The following LRRC53 variants were observed in gnomAD, a reference collection of about 807,000 sequenced individuals.
LRRC53 encodes the protein leucine-rich repeat-containing protein 53.
Under a neutral mutation model 13.6 loss-of-function variants are expected in LRRC53, and 25 were observed. The observed-to-expected ratio is 1.83, with a 90% CI of 1.34 to 2.56. The LOEUF (loss-of-function observed/expected upper bound fraction) is 2.56. LRRC53 is among the 30% of genes most tolerant of loss of function. The pLI, the probability that LRRC53 is intolerant of heterozygous loss-of-function variation, is 0.00. For missense variants in LRRC53, 527 were observed against 275.8 expected, an observed-to-expected ratio of 1.91 and a Z score of -6.45; for synonymous variants, 204 against 109.8, an observed-to-expected ratio of 1.86 and a Z score of -5.37.
In LRRC53 at chr1:74,475,510, A is replaced by G. The variant is rs1482725027; in HGVS notation, c.1205T>C (p.Leu402Pro). ...SATLDGSFRN[L>P]KKKDRGVGST... ...GCCTACCCCACGGTCTTTCTTTTTC[A>G]GGTTTCTAAATGATCCGTCAAGGGT... Residue 402 changes from leucine to proline, a missense_variant, in exon 4 of 5, where the codon CTG becomes CCG. Coordinates refer to ENST00000294635, the MANE Select transcript of LRRC53 (RefSeq NM_001382280.1). 1.4e-6 allele frequency: 1 copy of G among 716,722 alleles called. No individual in the cohort carries two copies. Among genetic ancestry groups the G allele is most frequent in the East Asian group, 2.7e-5 (1 of 37,270 alleles). The allele number at this position is 716,722 out of a possible 1,614,324, so 44.4% of individuals were successfully genotyped here. A position where few individuals can be genotyped will look rare whatever the true frequency, so the allele number is the denominator to read the frequency against.
At chr1:74,480,067 G>C (rs188334457) in intron 3 of LRRC53, 86 bp downstream of exon 3, 1 of 624,312 alleles carries the variant, frequency 1.6e-6, no homozygotes. Context: ...TGGCAACCAA[G>C]TGTCTGAGAT....
intron 3 of LRRC53, among the ~76,000 whole-genome samples, chr1:74,476,188 G>A (rs556542269): frequency 1.3e-5 from 2 of 152,160 alleles, no homozygotes; most frequent in East Asian, 3.9e-4. Context: ...TCTAATCTCA[G>A]ACTGCCTGGT....
rs1459765318 is a variant in LRRC53, at chr1:74,471,101, G to T, written c.2521C>A (p.Pro841Thr). ...HIPDGNTSKLPQPTPTDAEHR... is the reference protein window; with the variant it reads ...HIPDGNTSKLTQPTPTDAEHR... ...TCAGCATCAGTGGGTGTAGGTTGGGGCAATTTTGATGTGTTTCCATCAGGA... is the reference window on the plus strand; with the variant it reads ...TCAGCATCAGTGGGTGTAGGTTGGGTCAATTTTGATGTGTTTCCATCAGGA... The change falls in exon 5 of 5, where the codon CCC becomes ACC. Residue 841 changes from proline (P) to threonine (T), a missense_variant. Pro to Thr is a conservative substitution (Grantham distance 38). Coordinates refer to ENST00000294635, the MANE Select transcript of LRRC53 (RefSeq NM_001382280.1). The T allele has an allele frequency of 2.5e-5, 10 of 400,662 alleles. No individual in the cohort carries two copies. In the East Asian group the frequency reaches 3.6e-4, roughly 14 times the overall value. 24.8% of individuals were successfully genotyped at this position (400,662 alleles called of 1,614,324 possible). A position where few individuals can be genotyped will look rare whatever the true frequency, so the allele number is the denominator to read the frequency against.
intron 1 of LRRC53, among the ~76,000 whole-genome samples, chr1:74,500,527 C>G (rs958507895): frequency 1.4e-5 from 2 of 138,992 alleles, no homozygotes; most frequent in Non-Finnish European, 3.1e-5. Flanking sequence ...TGGCGTGAAC[C>G]CGGGAGGCGG....
At chr1:74,501,950 A>T (rs1669656025) in intron 1 of LRRC53, among the ~76,000 whole-genome samples, 2 of 152,040 alleles carry the variant, frequency 1.3e-5, no homozygotes, top group South Asian at 2.1e-4. Context: ...TATCCTCTGC[A>T]TATCTTTATG....
the LRRC53 span, among the ~76,000 whole-genome samples, chr1:74,518,211 G>GA: frequency 2.0e-5 from 3 of 151,984 alleles, no homozygotes; most frequent in Non-Finnish European, 2.9e-5. Flanking sequence ...ATCAATGGAG[G>GA]AAAAAAGAGT....
intron 1 of LRRC53, chr1:74,492,150 T>C: frequency 6.2e-7 from 1 of 1,613,058 alleles, no homozygotes; most frequent in South Asian, 1.1e-5. Flanking sequence ...CTTCTTCTTC[T>C]TCTGATTGCC....
the LRRC53 span, among the ~76,000 whole-genome samples, chr1:74,518,786 C>A: frequency 6.6e-6 from 1 of 150,504 alleles, no homozygotes; most frequent in Non-Finnish European, 1.5e-5. Flanking sequence ...ACAACATTTA[C>A]AAATATGGAT....
At position 74,480,462 on chromosome 1, in the gene LRRC53, C is replaced by T. The variant is rs1002165497; in HGVS notation, c.595G>A (p.Val199Met). 4.2e-6 allele frequency: 3 copies of T among 717,540 alleles called. No homozygotes were observed. The highest frequency in any genetic ancestry group is 4.0e-5 in the Admixed American group (2 of 50,028). The allele number at this position is 717,540 out of a possible 1,614,324, so 44.4% of individuals were successfully genotyped here. A position where few individuals can be genotyped will look rare whatever the true frequency, so the allele number is the denominator to read the frequency against. The change falls in exon 3 of 5, where the codon GTG (valine) becomes ATG (methionine). Residue 199 changes from valine (V) to methionine (M), a missense_variant. Transcript: ENST00000294635. ...ATTAACTGCTTCAGTGGAGTAAACA[C>T]ATCCGGCATGTGGGCTAACCTATTT... The part of the protein sequence containing the change: ...SRNRLAHMPD[V>M]FTPLKQLILL...
intron 1 of LRRC53, among the ~76,000 whole-genome samples, chr1:74,509,241 T>C (rs1284293349): frequency 6.6e-6 from 1 of 152,240 alleles, no homozygotes; most frequent in African/African-American, 2.4e-5. Flanking sequence ...CTCAGTCAAG[T>C]TGCCATTTGG....
At chr1:74,516,853 A>G (rs1395231693), upstream of LRRC53, among the ~76,000 whole-genome samples, 1 of 152,206 alleles carries the variant, frequency 6.6e-6, no homozygotes, top group Non-Finnish European at 1.5e-5. Context: ...AATATTCTAC[A>G]TAGATGAAAT....
At chr1:74,473,015 A>G (rs1278518809) in intron 4 of LRRC53, among the ~76,000 whole-genome samples, 1 of 152,120 alleles carries the variant, frequency 6.6e-6, no homozygotes, top group Non-Finnish European at 1.5e-5. Flanking sequence ...CTACAGCCCT[A>G]TAGGCACATG....
rs1667925156 is a variant in LRRC53, at chr1:74,471,384, C to A, written c.2238G>T (p.Leu746Phe). 5.0e-6 allele frequency: 2 copies of A among 400,568 alleles called. No individual in the cohort carries two copies. Among genetic ancestry groups the A allele is most frequent in the Non-Finnish European group, 8.8e-6 (2 of 226,180 alleles). The allele number at this position is 400,568 out of a possible 1,614,324, so 24.8% of individuals were successfully genotyped here. The change falls in exon 5 of 5, where the codon TTG becomes TTT. Residue 746 changes from leucine to phenylalanine, a missense_variant. Physicochemically the swap from Leu to Phe is conservative, Grantham distance 22. Coordinates refer to ENST00000294635, the MANE Select transcript of LRRC53 (RefSeq NM_001382280.1). The stretch of plus-strand genomic sequence containing the variant: ...TTTTGGATAATTTCTTAGGAGGCAA[C>A]AATACCTGCTTGCATTGCTTTGGGA... ...SSLPKQCKQV[L>F]LPPKKLSKTS...
chr1:74,529,505 A>C, the LRRC53 span, among the ~76,000 whole-genome samples: 1 of 152,238 alleles, frequency 6.6e-6, no homozygotes, highest in African/African-American at 2.4e-5. Context: ...TCAGTGCTGC[A>C]TGTGATTCTG....
upstream of LRRC53, among the ~76,000 whole-genome samples, chr1:74,513,233 G>A (rs781334114): frequency 2.0e-5 from 3 of 152,124 alleles, no homozygotes; most frequent in Non-Finnish European, 2.9e-5. Flanking sequence ...TTCCTAGTTC[G>A]TTTATTCAGC....
chr1:74,481,502 C>T (rs994456541), intron 2 of LRRC53, among the ~76,000 whole-genome samples: 1 of 152,164 alleles, frequency 6.6e-6, no homozygotes, highest in Non-Finnish European at 1.5e-5. Context: ...TGCTTTCTAG[C>T]CCCAGGCTAA....
chr1:74,493,641 G>A (rs891394389), intron 1 of LRRC53, among the ~76,000 whole-genome samples: 4 of 152,232 alleles, frequency 2.6e-5, no homozygotes, highest in African/African-American at 4.8e-5. Context: ...TTGTTTGTGG[G>A]CTCATTTTGG....
rs771839281 is a variant in LRRC53 at position 74,471,100 on chromosome 1, G to A, written c.2522C>T (p.Pro841Leu). 2.0e-5 allele frequency: 8 copies of A among 400,590 alleles called. No homozygotes were observed. Among genetic ancestry groups the A allele is most frequent in the Non-Finnish European group, 3.1e-5 (7 of 226,202 alleles). The allele number at this position is 400,590 out of a possible 1,614,324, so 24.8% of individuals were successfully genotyped here. ...HIPDGNTSKL[P>L]QPTPTDAEHR... The stretch of plus-strand genomic sequence containing the variant: ...CTCAGCATCAGTGGGTGTAGGTTGG[G>A]GCAATTTTGATGTGTTTCCATCAGG... The change falls in exon 5 of 5, where the codon CCC (proline) becomes CTC (leucine). Residue 841 changes from proline to leucine, a missense_variant. Transcript: ENST00000294635.
upstream of LRRC53, among the ~76,000 whole-genome samples, chr1:74,513,335 C>T (rs1646292341): frequency 6.6e-6 from 1 of 152,170 alleles, no homozygotes; most frequent in Admixed American, 6.5e-5. Context: ...GTGTTCTTAT[C>T]AGAGTGAGTC....
Sources: gnomAD v4.1 joint callset for allele counts (sites outside exome capture counted in the v4.1 genomes callset) on GRCh38, gnomAD v4.1.1 for gene constraint, MANE v1.5 for transcripts, NCBI Gene and HGNC (gene_info 2026-07-23, HGNC 2026-07-21) for gene names.